SASH1: variants seen among roughly 807,000 people sequenced by gnomAD.
The protein encoded by SASH1 is SAM and SH3 domain-containing protein 1.
A neutral mutation model predicts 125.2 loss-of-function variants in SASH1; 44 were observed. That is an observed-to-expected ratio of 0.35 (90% CI 0.28 to 0.45). The LOEUF (loss-of-function observed/expected upper bound fraction) is 0.45, where lower values mean the gene tolerates loss of function less well. Ranked by LOEUF, SASH1 falls within the 20% of genes least tolerant of loss-of-function variation. The pLI, the probability that SASH1 is intolerant of heterozygous loss-of-function variation, is 1.00. For missense variants in SASH1, 1,426 were observed against 1,614.5 expected, an observed-to-expected ratio of 0.88 and a Z score of 2.00; for synonymous variants, 639 against 649.1, an observed-to-expected ratio of 0.98 and a Z score of 0.24.
intron 1 of SASH1, among the ~76,000 whole-genome samples, chr6:148,358,791 A>G (rs1782061279): frequency 7.5e-6 from 1 of 133,410 alleles, no homozygotes; most frequent in Admixed American, 8.9e-5. Flanking sequence ...GCTGGAGTGC[A>G]GTGGCGTGAT....
intron 4 of SASH1, among the ~76,000 whole-genome samples, chr6:148,442,800 G>A (rs772371954): frequency 6.6e-6 from 1 of 151,598 alleles, no homozygotes; most frequent in East Asian, 1.9e-4. Flanking sequence ...TTGAGAGGGA[G>A]TATCGCTCTG....
At chr6:148,461,709 G>A (rs1463637155) in intron 4 of SASH1, among the ~76,000 whole-genome samples, 1 of 152,140 alleles carries the variant, frequency 6.6e-6, no homozygotes, top group Non-Finnish European at 1.5e-5. Flanking sequence ...TGACTCTTGA[G>A]TTTTTATGGC....
intron 4 of SASH1, among the ~76,000 whole-genome samples, chr6:148,448,827 C>T (rs1200697061): frequency 6.6e-6 from 1 of 152,152 alleles, no homozygotes; most frequent in Non-Finnish European, 1.5e-5. Context: ...CATAATTCAC[C>T]ACTTCCTCTT....
chr6:148,266,921 T>C, the SASH1 span, among the ~76,000 whole-genome samples: 1 of 152,074 alleles, frequency 6.6e-6, no homozygotes, highest in Non-Finnish European at 1.5e-5. Context: ...TCTTTTCTTT[T>C]CTTTTAAAGG....
intron 8 of SASH1, among the ~76,000 whole-genome samples, chr6:148,492,005 G>T (rs1336997710): frequency 6.6e-6 from 1 of 152,140 alleles, no homozygotes; most frequent in African/African-American, 2.4e-5. Context: ...CAGTAACTCA[G>T]GACTGATTCA....
chr6:148,290,110 C>T (rs956346134), intron 1 of SASH1, among the ~76,000 whole-genome samples: 4 of 150,870 alleles, frequency 2.7e-5, no homozygotes, highest in East Asian at 2.0e-4. Flanking sequence ...TCAGTTGATC[C>T]GCCCACCTCG....
At chr6:148,429,380 T>A (rs1775963655) in intron 2 of SASH1, among the ~76,000 whole-genome samples, 1 of 68,728 alleles carries the variant, frequency 1.5e-5, no homozygotes, top group Admixed American at 1.9e-4. Context: ...CAAGACCCTG[T>A]CTCTTAAAAA....
chr6:148,532,694 C>T lies in SASH1; in HGVS notation c.1565-103C>T. The T allele has an allele frequency of 2.2e-6, 3 of 1,377,522 alleles. No individual in the cohort carries two copies. Among genetic ancestry groups the T allele is most frequent in the Non-Finnish European group, 3.0e-6 (3 of 993,608 alleles). The allele number at this position is 1,377,522 out of a possible 1,614,324, so 85.3% of individuals were successfully genotyped here. A position where few individuals can be genotyped will look rare whatever the true frequency, so the allele number is the denominator to read the frequency against. On this transcript the variant is annotated intron_variant, in intron 13 of 19. Coordinates refer to ENST00000367467, the MANE Select transcript of SASH1 (RefSeq NM_015278.5). This position sits in a 1 kb window ranked among gnomAD's most constrained non-coding sequence, Gnocchi z 4.7. ...AGGGTTGTGGCTCAAGGCTTCCTTTCTCTGGGCCTTCATTTCCTAATCTGC... is the reference window on the plus strand; with the variant it reads ...AGGGTTGTGGCTCAAGGCTTCCTTTTTCTGGGCCTTCATTTCCTAATCTGC...
intron 1 of SASH1, among the ~76,000 whole-genome samples, chr6:148,387,122 T>C (rs1393783340): frequency 2.7e-5 from 4 of 149,044 alleles, no homozygotes; most frequent in Middle Eastern, 3.2e-3. Context: ...CTTTTCTTTT[T>C]TTTTTTTTTT....
At chr6:148,403,325 G>A (rs1171879799) in intron 2 of SASH1, among the ~76,000 whole-genome samples, 6 of 151,514 alleles carry the variant, frequency 4.0e-5, no homozygotes, top group Non-Finnish European at 5.9e-5. Flanking sequence ...GTCTGGCCTC[G>A]AACTCTTGGC....
At chr6:148,525,889 A>G (rs772288930) in intron 11 of SASH1, among the ~76,000 whole-genome samples, 6 of 152,034 alleles carry the variant, frequency 3.9e-5, no homozygotes, top group Admixed American at 2.6e-4. Flanking sequence ...CTGTGGGACC[A>G]AAGCAGACCA....
intron 1 of SASH1, among the ~76,000 whole-genome samples, chr6:148,278,459 T>G (rs1378084480): frequency 6.6e-6 from 1 of 152,194 alleles, no homozygotes; most frequent in African/African-American, 2.4e-5. Flanking sequence ...CTTTGGAGCA[T>G]TTTTAGGTCT....
chr6:148,517,332 A>G (rs1583288345), intron 9 of SASH1, among the ~76,000 whole-genome samples: 1 of 152,190 alleles, frequency 6.6e-6, no homozygotes, highest in Non-Finnish European at 1.5e-5. Context: ...AAGTCAGCCC[A>G]CAGCCTACCT....
intron 8 of SASH1, among the ~76,000 whole-genome samples, chr6:148,510,411 G>A (rs1472132432): frequency 6.6e-6 from 1 of 152,148 alleles, no homozygotes; most frequent in Admixed American, 6.5e-5. Context: ...CCCAGGGTGG[G>A]ACAAGGGAGG....
chr6:148,416,051 C>T (rs1232218756), intron 2 of SASH1, among the ~76,000 whole-genome samples: 1 of 152,218 alleles, frequency 6.6e-6, no homozygotes, highest in Non-Finnish European at 1.5e-5. Context: ...GCAAGTCTGT[C>T]CAGGGCTTTA....
At position 148,468,342 on chromosome 6, in the gene SASH1, T is replaced by C. The variant is rs17714869; in HGVS notation, c.387-203T>C. 0.087 allele frequency among the ~76,000 whole-genome samples: 13,261 copies of C among 152,316 alleles called. 752 individuals carry two copies. The highest frequency in any genetic ancestry group is 0.13 in the Non-Finnish European group (8,721 of 68,030). ...TACAGGTCTCACCTTCGAGTGAGTC[T>C]TTAATAAATGTCGACAAATGGCACA... On this transcript the variant is annotated intron_variant, in intron 4 of 19. Coordinates refer to ENST00000367467, the MANE Select transcript of SASH1 (RefSeq NM_015278.5).
intron 4 of SASH1, among the ~76,000 whole-genome samples, chr6:148,448,117 T>A (rs73788554): frequency 0.063 from 6,936 of 110,110 alleles, 543 homozygotes; most frequent in African/African-American, 0.22. Context: ...GTGGAGAGAG[T>A]GTGTGTGTGT....
At chr6:148,322,167 A>G (rs1172554081) in intron 1 of SASH1, among the ~76,000 whole-genome samples, 1 of 152,038 alleles carries the variant, frequency 6.6e-6, no homozygotes, top group Non-Finnish European at 1.5e-5. Context: ...CCTGGCCAAC[A>G]TGGTGAAACT....
intron 1 of SASH1, among the ~76,000 whole-genome samples, chr6:148,301,039 C>T (rs57793288): frequency 6.6e-6 from 1 of 151,938 alleles, no homozygotes; most frequent in African/African-American, 2.4e-5. Flanking sequence ...ACTGAAACCT[C>T]CTCCTCGGCC....
Sources: gnomAD v4.1 joint callset for allele counts (sites outside exome capture counted in the v4.1 genomes callset) on GRCh38, gnomAD v4.1.1 for gene constraint, Gnocchi (gnomAD v3.1) non-coding constraint, MANE v1.5 for transcripts, NCBI Gene and HGNC (gene_info 2026-07-23, HGNC 2026-07-21) for gene names.